Variants in TRAK1 observed in about 807,000 individuals in gnomAD.
TRAK1 encodes trafficking kinesin-binding protein 1.
Under a neutral mutation model 92.1 loss-of-function variants are expected in TRAK1, and 33 were observed. That is an observed-to-expected ratio of 0.36 (90% CI 0.27 to 0.48). TRAK1 has a LOEUF of 0.48. TRAK1 is among the 20% of genes least tolerant of loss of function. The probability of loss-of-function intolerance (pLI) is 0.99; values close to 1 mark genes in which losing one functional copy is unlikely to be tolerated. For synonymous variants in TRAK1, 521 were observed against 517.3 expected (o/e 1.01, Z -0.10); for missense variants, 1,123 against 1,257.9 (o/e 0.89, Z 1.62).
chr3:42,055,051 C>A (rs1173852354), intron 1 of TRAK1, among the ~76,000 whole-genome samples: 1 of 151,516 alleles, frequency 6.6e-6, no homozygotes, highest in Non-Finnish European at 1.5e-5. Context: ...TCCATAGTAG[C>A]TGGATTTACA....
chr3:42,203,101 G>A, intron 13 of TRAK1: 3 of 1,231,000 alleles, frequency 2.4e-6, no homozygotes, highest in Non-Finnish European at 2.0e-6. Flanking sequence ...AATTAATTAG[G>A]TTTTGCCTGT....
chr3:42,126,012 G>A (rs1710514937), intron 2 of TRAK1, among the ~76,000 whole-genome samples: 1 of 151,964 alleles, frequency 6.6e-6, no homozygotes, highest in South Asian at 2.1e-4. Flanking sequence ...CACCATGCCC[G>A]GCTAATTTTT....
chr3:42,209,813 T>G lies in TRAK1; in HGVS notation c.1791T>G (p.Leu597=). 6.2e-7 allele frequency: 1 copy of G among 1,614,150 alleles called. No individual in the cohort carries two copies. Among genetic ancestry groups the G allele is most frequent in the Middle Eastern group, 1.6e-4 (1 of 6,062 alleles). ...HHWQQLAQPH[L]GGILDPRPGV... Reference sequence around the variant, plus strand: ...GGCAGCAGTTGGCCCAACCTCACCTTGGGGGCATCCTGGACCCCCGGCCCG... The same window carrying G: ...GGCAGCAGTTGGCCCAACCTCACCTGGGGGGCATCCTGGACCCCCGGCCCG... Residue 597 remains leucine (L), a synonymous_variant, in exon 14 of 16, where the codon CTT becomes CTG. Transcript: ENST00000327628.
At chr3:42,209,619 A>C in intron 13 of TRAK1, 148 bp from the exon 14 acceptor site, 1 of 724,824 alleles carries the variant, frequency 1.4e-6, no homozygotes, top group Non-Finnish European at 2.2e-6. Flanking sequence ...GCTCCACTGA[A>C]GTTCCCGCTG....
rs111835299 is a variant in TRAK1, at chr3:42,066,746, G to A, written c.-518-20358G>A. 7.2e-3 allele frequency among the ~76,000 whole-genome samples: 1,098 copies of A among 152,260 alleles called. 13 individuals are homozygous for A. Among genetic ancestry groups the A allele is most frequent in the African/African-American group, 0.024 (999 of 41,552 alleles). ...AGGCCATCTTGCCATCCCATGACAT[G>A]GTCACTGAAGGCCCAGCTGTCACTG... On this transcript the variant is annotated intron_variant, in intron 1 of 16. Transcript: ENST00000487159.
chr3:42,080,382 C>T (rs990864299), intron 1 of TRAK1, among the ~76,000 whole-genome samples: 3 of 152,136 alleles, frequency 2.0e-5, no homozygotes, highest in Non-Finnish European at 4.4e-5. Context: ...TTCCTGGCAC[C>T]TCTTTTGCTG....
intron 3 of TRAK1, among the ~76,000 whole-genome samples, chr3:42,177,127 A>G (rs1163823841): frequency 6.6e-6 from 1 of 152,258 alleles, no homozygotes; most frequent in Non-Finnish European, 1.5e-5. Flanking sequence ...GTGTGTTTAA[A>G]TACTTGTTAG....
rs552006831 is a variant in TRAK1 at position 42,224,669 on chromosome 3, A to C, written c.*932A>C. The C allele has an allele frequency of 4.5e-4, 69 of 152,338 alleles. No individual in the cohort carries two copies. Among genetic ancestry groups the C allele is most frequent in the African/African-American group, 1.6e-3 (65 of 41,570 alleles). The allele number at this position is 152,338 out of a possible 1,614,324, so 9.4% of individuals were successfully genotyped here. On this transcript the variant is annotated 3_prime_UTR_variant, in exon 16 of 16. Coordinates refer to ENST00000327628, the MANE Select transcript of TRAK1 (RefSeq NM_001042646.3). ...GACCGGACCCAAGACACCTTTAACA[A>C]TAGGACTGAAAGGAAAAAGGATAGG...
chr3:42,135,873 GAAT>G (rs1697890488), intron 2 of TRAK1, among the ~76,000 whole-genome samples: 1 of 152,176 alleles, frequency 6.6e-6, no homozygotes, highest in Admixed American at 6.5e-5. Flanking sequence ...TCTACTGCCT[GAAT>G]ATGTTGCCAG....
chr3:42,189,184 C>T, intron 6 of TRAK1, 60 bp downstream of exon 6: 1 of 1,302,552 alleles, frequency 7.7e-7, no homozygotes, highest in Non-Finnish European at 1.1e-6. Context: ...TTCGCCTTAT[C>T]TGGCAAGGAC....
intron 1 of TRAK1, among the ~76,000 whole-genome samples, chr3:42,069,276 G>T (rs1018861707): frequency 1.0e-4 from 15 of 148,956 alleles, no homozygotes; most frequent in Admixed American, 4.8e-4. Flanking sequence ...AGACTTGCTT[G>T]TGTCACTTTA....
At position 42,156,609 on chromosome 3, in the gene TRAK1, T is replaced by TACTA. The variant is rs143597858; in HGVS notation, c.287-20203_287-20202insTAAC. On this transcript the variant is annotated intron_variant, in intron 2 of 15. Coordinates refer to ENST00000327628, the MANE Select transcript of TRAK1 (RefSeq NM_001042646.3). ...ATAACGGGAGGGAAGAAAAAGTTAT[T>TACTA]ACAATAAAAAGCCAACTAATAAGTG... 6.6e-3 allele frequency among the ~76,000 whole-genome samples: 1,006 copies of TACTA among 152,258 alleles called. 6 individuals carry two copies. The highest frequency in any genetic ancestry group is 0.021 in the African/African-American group (881 of 41,562).
chr3:42,195,713 G>A (rs910070294), intron 10 of TRAK1, among the ~76,000 whole-genome samples: 4 of 152,052 alleles, frequency 2.6e-5, no homozygotes, highest in African/African-American at 7.3e-5. Flanking sequence ...CCCCCTCTCC[G>A]CCTCAAGAAG....
intron 1 of TRAK1, among the ~76,000 whole-genome samples, chr3:42,066,010 CA>C (rs1195493474): frequency 6.6e-6 from 1 of 152,158 alleles, no homozygotes; most frequent in African/African-American, 2.4e-5. Flanking sequence ...TCTACCCTTC[CA>C]ACAGAACAAA....
At chr3:42,065,176 T>C (rs1039806948) in intron 1 of TRAK1, among the ~76,000 whole-genome samples, 2 of 152,134 alleles carry the variant, frequency 1.3e-5, no homozygotes, top group African/African-American at 4.8e-5. Flanking sequence ...TGTTTGAACC[T>C]GGAAGGTGGA....
At chr3:42,090,231 G>A (rs967279811), upstream of TRAK1, among the ~76,000 whole-genome samples, 15 of 152,186 alleles carry the variant, frequency 9.9e-5, no homozygotes, top group Non-Finnish European at 7.3e-5. Context: ...TGGAGGAGGC[G>A]ATGACCCAAC....
rs76462969 is a variant in TRAK1, at chr3:42,202,979, C to T, written c.1744+227C>T. The T allele has an allele frequency of 0.016, 20,936 of 1,330,564 alleles. 181 individuals are homozygous for T. Among genetic ancestry groups the T allele is most frequent in the Non-Finnish European group, 0.017 (17,510 of 1,039,142 alleles). 82.4% of individuals were successfully genotyped at this position (1,330,564 alleles called of 1,614,324 possible). ...CAATGCACACATAGGCCATGAAACT[C>T]GCCGAGGAAAGACAAGCATGTGCAC... On this transcript the variant is annotated intron_variant, in intron 13 of 15. Coordinates refer to ENST00000327628, the MANE Select transcript of TRAK1 (RefSeq NM_001042646.3). This position sits in a 1 kb window ranked among gnomAD's most constrained non-coding sequence, Gnocchi z 6.1.
intron 2 of TRAK1, among the ~76,000 whole-genome samples, chr3:42,172,410 T>C (rs1423688040): frequency 6.6e-6 from 1 of 152,174 alleles, no homozygotes; most frequent in Non-Finnish European, 1.5e-5. Context: ...CAGTTTTAGT[T>C]CTTAAATCTC....
intron 14 of TRAK1, among the ~76,000 whole-genome samples, chr3:42,213,843 A>T (rs1709364158): frequency 6.6e-6 from 1 of 152,146 alleles, no homozygotes; most frequent in African/African-American, 2.4e-5. Context: ...TGCTGTTGGG[A>T]ACACTTCGAT....
Sources: gnomAD v4.1 joint callset for allele counts (sites outside exome capture counted in the v4.1 genomes callset) on GRCh38, gnomAD v4.1.1 for gene constraint, Gnocchi (gnomAD v3.1) non-coding constraint, MANE v1.5 for transcripts, NCBI Gene and HGNC (gene_info 2026-07-23, HGNC 2026-07-21) for gene names.